The following SLC12A3 variants were observed in gnomAD, a reference collection of about 807,000 sequenced individuals.
The protein encoded by SLC12A3 is Na-Cl cotransporter.
SLC12A3 carries 104 observed loss-of-function variants against 121.0 expected under a neutral mutation model. The observed-to-expected ratio is 0.86, with a 90% CI of 0.73 to 1.01. The LOEUF (loss-of-function observed/expected upper bound fraction) is 1.01, where lower values mean the gene tolerates loss of function less well. SLC12A3 is among the 50% of genes least tolerant of loss of function. The pLI, the probability that SLC12A3 is intolerant of heterozygous loss-of-function variation, is 0.00. For synonymous variants in SLC12A3, 536 were observed against 533.4 expected (o/e 1.00, Z -0.07); for missense variants, 1,328 against 1,356.3 (o/e 0.98, Z 0.33).
At position 56,908,161 on chromosome 16, in the gene SLC12A3, C is replaced by CTTTTTTT. The variant is rs55644914; in HGVS notation, c.2924+3712_2924+3718dup. ...ATTCATTTCTCAGATAGTGATATAA[C>CTTTTTTT]TTTTTTTTTTTTTTTTTTTGAGGCA... On this transcript the variant is annotated intron_variant, in intron 25 of 25. Transcript: ENST00000563236. Among the ~76,000 whole-genome samples, 438 of 96,934 alleles carry CTTTTTTT rather than the reference C, an allele frequency of 4.5e-3. 34 individuals are homozygous for CTTTTTTT. The highest frequency in any genetic ancestry group is 0.017 in the African/African-American group (377 of 21,840). 63.6% of individuals were successfully genotyped at this position (96,934 alleles called of 152,430 possible). A position where few individuals can be genotyped will look rare whatever the true frequency, so the allele number is the denominator to read the frequency against.
intron 18 of SLC12A3, among the ~76,000 whole-genome samples, chr16:56,889,144 G>A (rs1206812484): frequency 1.3e-5 from 2 of 152,222 alleles, no homozygotes; most frequent in Non-Finnish European, 2.9e-5. Context: ...AACAACATGA[G>A]GCTGAGGGTT....
In SLC12A3 at chr16:56,872,709, T is replaced by G; in HGVS notation, c.1018T>G (p.Phe340Val). ...VPDWRGPDGT[F>V]FGMFSIFFPS... ...TGACTGGCGGGGTCCAGATGGCACCTTCTTCGGAATGTTCTCCATCTTCTT... is the reference window on the plus strand; with the variant it reads ...TGACTGGCGGGGTCCAGATGGCACCGTCTTCGGAATGTTCTCCATCTTCTT... The change falls in exon 8 of 26, where the codon TTC (phenylalanine) becomes GTC (valine). Residue 340 changes from phenylalanine (F) to valine (V), a missense_variant. By Grantham distance (50) the Phe-to-Val change is conservative. Transcript: ENST00000563236. 6.2e-7 allele frequency: 1 copy of G among 1,614,260 alleles called. No homozygotes were observed. The highest frequency in any genetic ancestry group is 8.5e-7 in the Non-Finnish European group (1 of 1,180,044).
Position 56,913,381 on chromosome 16 carries a change from C to G in SLC12A3, c.3042C>G (p.Asn1014Lys). 5.0e-6 allele frequency: 8 copies of G among 1,614,198 alleles called. No homozygotes were observed. The highest frequency in any genetic ancestry group is 6.8e-6 in the Non-Finnish European group (8 of 1,180,020). Residue 1014 changes from asparagine to lysine, a missense_variant, in exon 26 of 26, where the codon AAC becomes AAG. Coordinates refer to ENST00000563236, the MANE Select transcript of SLC12A3 (RefSeq NM_001126108.2). ...PVILIRGNQENVLTFYCQ is the reference protein window; with the variant it reads ...PVILIRGNQEKVLTFYCQ The stretch of plus-strand genomic sequence containing the variant: ...TCCTGATCCGAGGAAACCAGGAAAA[C>G]GTGCTCACCTTTTACTGCCAGTAAC...
intron 25 of SLC12A3, among the ~76,000 whole-genome samples, chr16:56,912,181 G>T (rs2055695088): frequency 6.6e-6 from 1 of 152,244 alleles, no homozygotes; most frequent in Non-Finnish European, 1.5e-5. Flanking sequence ...CCCACGGAAG[G>T]TGCTGGTGCC....
Position 56,867,275 on chromosome 16 carries a change from C to T in SLC12A3, c.429+59C>T, listed in dbSNP as rs1964380195. 6 of 1,528,206 alleles carry T rather than the reference C, an allele frequency of 3.9e-6. No homozygotes were observed. In the Admixed American group the frequency reaches 1.2e-4, roughly 30 times the overall value. 94.7% of individuals were successfully genotyped at this position (1,528,206 alleles called of 1,614,324 possible). A position where few individuals can be genotyped will look rare whatever the true frequency, so the allele number is the denominator to read the frequency against. ...AAATGGGGGTGGGGTGGCAGAGCTC[C>T]ATCCAGGCTCAGCTCTGACTCTCAG... On this transcript the variant is annotated intron_variant, in intron 2 of 25. Transcript: ENST00000563236.
At chr16:56,874,972 G>A (rs11640954) in intron 8 of SLC12A3, among the ~76,000 whole-genome samples, 28,257 of 152,192 alleles carry the variant, frequency 0.19, 2,757 homozygotes, top group East Asian at 0.3. Context: ...GCAGAGGCCT[G>A]GTCTGCCTGC....
intron 11 of SLC12A3, among the ~76,000 whole-genome samples, 175 bp downstream of exon 11, chr16:56,879,824 C>T (rs760749084): frequency 6.6e-6 from 1 of 152,102 alleles, no homozygotes; most frequent in Non-Finnish European, 1.5e-5. Context: ...CAGCCCCCTC[C>T]GACTTGACAA....
chr16:56,885,660 G>A (rs559929079), intron 15 of SLC12A3, among the ~76,000 whole-genome samples: 3 of 152,246 alleles, frequency 2.0e-5, no homozygotes, highest in African/African-American at 7.2e-5. Context: ...TATCGCCGGA[G>A]CCAATGGTGA....
At chr16:56,876,802 C>G (rs2055169666) in intron 8 of SLC12A3, among the ~76,000 whole-genome samples, 1 of 152,316 alleles carries the variant, frequency 6.6e-6, no homozygotes, top group East Asian at 1.9e-4. Flanking sequence ...CTTCCCATGG[C>G]AGGCCTGGCC....
At chr16:56,870,799 G>A in intron 6 of SLC12A3, 63 bp downstream of exon 6, 1 of 966,574 alleles carries the variant, frequency 1.0e-6, no homozygotes, top group Non-Finnish European at 1.7e-6. Context: ...GGGTTGCCAG[G>A]CCTGGGCCCT....
rs1330534686 is a variant in SLC12A3 at position 56,879,642 on chromosome 16, T to C, written c.1436T>C (p.Val479Ala). ...ALACLVSAAK[V>A]FQCLCEDQLY... The stretch of plus-strand genomic sequence containing the variant: ...GCCTGCCTTGTCTCTGCTGCCAAAG[T>C]CTTCCAGGTGAGGCCGCAGAAAGGG... The change falls in exon 11 of 26, where the codon GTC (valine) becomes GCC (alanine). Residue 479 changes from valine to alanine, a missense_variant. Val to Ala is a moderately conservative substitution (Grantham distance 64). Coordinates refer to ENST00000563236, the MANE Select transcript of SLC12A3 (RefSeq NM_001126108.2). 5 of 1,612,232 alleles carry C rather than the reference T, an allele frequency of 3.1e-6. 1 individual carries two copies. In the South Asian group the frequency reaches 5.5e-5, roughly 18 times the overall value.
Position 56,872,770 on chromosome 16 carries a change from T to C in SLC12A3, c.1079T>C (p.Ile360Thr), listed in dbSNP as rs1407947212. The change falls in exon 8 of 26, where the codon ATA becomes ACA. Residue 360 changes from isoleucine (I) to threonine (T), a missense_variant. Coordinates refer to ENST00000563236, the MANE Select transcript of SLC12A3 (RefSeq NM_001126108.2). ...ACAGGCATCCTGGCAGGGGCCAACATATCTGGTGACCTCAAGGTGAGCAGA... is the reference window on the plus strand; with the variant it reads ...ACAGGCATCCTGGCAGGGGCCAACACATCTGGTGACCTCAAGGTGAGCAGA... The part of the protein sequence containing the change: ...SATGILAGAN[I>T]SGDLKDPAIA... 3 of 1,614,226 alleles carry C rather than the reference T, an allele frequency of 1.9e-6. No homozygotes were observed. The highest frequency in any genetic ancestry group is 2.5e-6 in the Non-Finnish European group (3 of 1,180,028).
chr16:56,875,837 A>G (rs769502963), intron 8 of SLC12A3, among the ~76,000 whole-genome samples: 17 of 144,670 alleles, frequency 1.2e-4, no homozygotes, highest in Non-Finnish European at 2.3e-4. Context: ...CCAGGTCCAC[A>G]TCTCAGCCCA....
rs148931404 is a variant in SLC12A3, at chr16:56,880,543, G to A, written c.1567+290G>A. ...GAACTTACCTGTTCCCCCGGTCTGC[G>A]TTCACATGTCCTGGCAGCTAGCATC... On this transcript the variant is annotated intron_variant, in intron 12 of 25. Coordinates refer to ENST00000563236, the MANE Select transcript of SLC12A3 (RefSeq NM_001126108.2). Among the ~76,000 whole-genome samples the A allele has an allele frequency of 0.011, 1,699 of 152,192 alleles. 19 individuals carry two copies. Among genetic ancestry groups the A allele is most frequent in the Non-Finnish European group, 0.019 (1,278 of 68,000 alleles).
In SLC12A3 at chr16:56,880,294, C is replaced by T. The variant is rs1196604736; in HGVS notation, c.1567+41C>T. 15 of 1,551,678 alleles carry T rather than the reference C, an allele frequency of 9.7e-6. 1 individual carries two copies. The South Asian group carries it at 1.3e-4, about 13-fold the overall frequency. On this transcript the variant is annotated intron_variant, in intron 12 of 25. Coordinates refer to ENST00000563236, the MANE Select transcript of SLC12A3 (RefSeq NM_001126108.2). The stretch of plus-strand genomic sequence containing the variant: ...GGCTCACAGGGCCTGGCCTCCTGTT[C>T]CCCTGGCCGGCCATGAGGGTCTTGG...
chr16:56,904,253 ACT>A (rs1298704487), intron 24 of SLC12A3, 140 bp from the exon 25 acceptor site: 6 of 810,286 alleles, frequency 7.4e-6, no homozygotes, highest in Non-Finnish European at 1.3e-5. Context: ...GAGACAGGAG[ACT>A]CTATAAGAAT....
At position 56,870,823 on chromosome 16, in the gene SLC12A3, CCTTTT is replaced by C. The variant is rs576412314; in HGVS notation, c.852+93_852+97del. On this transcript the variant is annotated intron_variant, in intron 6 of 25. Coordinates refer to ENST00000563236, the MANE Select transcript of SLC12A3 (RefSeq NM_001126108.2). ...GGCCTGGGCCCTCCCTGGTCCTCTG[CCTTTT>C]CTTTTTCTTTTCTTTTTTTTTTTTT... The C allele has an allele frequency of 1.4e-3, 991 of 728,150 alleles. 4 individuals are homozygous for C. The highest frequency in any genetic ancestry group is 0.012 in the African/African-American group (659 of 55,382). 45.1% of individuals were successfully genotyped at this position (728,150 alleles called of 1,614,324 possible). A position where few individuals can be genotyped will look rare whatever the true frequency, so the allele number is the denominator to read the frequency against.
intron 2 of SLC12A3, among the ~76,000 whole-genome samples, chr16:56,867,874 A>C (rs1964397154): frequency 1.3e-5 from 2 of 152,230 alleles, no homozygotes; most frequent in African/African-American, 4.8e-5. Context: ...AGCTGAAGTC[A>C]CAGCCACCTG....
In SLC12A3 at chr16:56,892,619, G is replaced by A. The variant is rs542043333; in HGVS notation, c.2420-334G>A. Among the ~76,000 whole-genome samples, 5 of 152,258 alleles carry A rather than the reference G, an allele frequency of 3.3e-5. No homozygotes were observed. The South Asian group carries it at 8.3e-4, about 25-fold the overall frequency. ...TCGTCCTCTCCCACCATCACTCCGG[G>A]AGACAGGGGGCCTGAAGTGCAGGCG... On this transcript the variant is annotated intron_variant, in intron 20 of 25. Coordinates refer to ENST00000563236, the MANE Select transcript of SLC12A3 (RefSeq NM_001126108.2).
Sources: allele counts gnomAD v4.1 joint callset (sites outside exome capture counted in the v4.1 genomes callset), GRCh38; gene constraint gnomAD v4.1.1; transcripts MANE v1.5; gene names NCBI Gene and HGNC (gene_info 2026-07-23, HGNC 2026-07-21).